Variants in CELSR3 observed in about 807,000 individuals in gnomAD.
The protein encoded by CELSR3 is EGF-like protein 1.
In CELSR3, 73 loss-of-function variants were observed where a neutral mutation model predicts 270.0. That is an observed-to-expected ratio of 0.27 (90% confidence interval 0.22 to 0.33). The LOEUF is 0.33. CELSR3 is among the 10% of genes least tolerant of loss of function. The pLI is 1.00. For missense variants in CELSR3, 3,614 were observed against 4,533.8 expected (o/e 0.80, Z 5.83); for synonymous variants, 1,780 against 1,905.4 (o/e 0.93, Z 1.71).
At position 48,657,233 on chromosome 3, in the gene CELSR3, C is replaced by T. The variant is rs2077031397; in HGVS notation, c.3864G>A (p.Leu1288=). 1 of 1,613,234 alleles carries T rather than the reference C, an allele frequency of 6.2e-7. No homozygotes were observed. The highest frequency in any genetic ancestry group is 8.5e-7 in the Non-Finnish European group (1 of 1,179,814). ...RLENMWQERF[L]SPLLGRFLEG... is the part of the protein sequence containing the mutation. ...CGAGGAAGCGGCCCAGCAGCGGTGA[C>T]AGGAAGCGCTCCTGCCACATGTTCT... Residue 1288 remains leucine (L), a synonymous_variant, in exon 2 of 35, where the codon CTG becomes CTA. Coordinates refer to ENST00000164024, the MANE Select transcript of CELSR3 (RefSeq NM_001407.3). This position sits in a 1 kb window ranked among gnomAD's most constrained non-coding sequence, Gnocchi z 5.4.
Position 48,661,199 on chromosome 3 carries a change from C to T in CELSR3, c.1436G>A (p.Arg479His), listed in dbSNP as rs1031937400. ...CTCGAAGGCGGCGGCAGCTGCAGCG[C>T]GCGCAGCTGGCGGCCCCACGAAGCG... is the stretch of plus-strand genomic sequence containing the variant. Reference protein sequence around the residue: ...RYRFVGPPAARAAAAAAFEID... With the variant: ...RYRFVGPPAAHAAAAAAFEID... The change falls in exon 1 of 35, where the codon CGC becomes CAC. Residue 479 changes from arginine to histidine, a missense_variant. Physicochemically the swap from Arg to His is conservative, Grantham distance 29. Around this residue, in one of 7 missense-constraint regions of CELSR3, gnomAD observed 354 missense variants for 500.9 expected, o/e 0.71. Coordinates refer to ENST00000164024, the MANE Select transcript of CELSR3 (RefSeq NM_001407.3). 6.3e-7 allele frequency: 1 copy of T among 1,598,914 alleles called. No homozygotes were observed. The highest frequency in any genetic ancestry group is 1.7e-5 in the Admixed American group (1 of 57,998).
In CELSR3 at chr3:48,639,710, G is replaced by A. The variant is rs376186501; in HGVS notation, c.9875C>T (p.Thr3292Met). The A allele has an allele frequency of 3.0e-4, 491 of 1,613,682 alleles. 5 individuals are homozygous for A. The South Asian group carries it at 4.0e-3, about 13-fold the overall frequency. Residue 3292 changes from threonine (T) to methionine (M), a missense_variant, in exon 34 of 35, where the codon ACG becomes ATG. Thr to Met is a moderately conservative substitution (Grantham distance 81, BLOSUM62 -1). This residue lies in a region of CELSR3 where 1,240 missense variants were observed against 1,351.7 expected (regional missense o/e 0.92). Coordinates refer to ENST00000164024, the MANE Select transcript of CELSR3 (RefSeq NM_001407.3). The surrounding 1 kb of genome is among the most constrained non-coding windows in gnomAD (Gnocchi z 4.1). ...VLGPSTPRSA[T>M]SHSISELSPD... ...CGACAGCTCCGAGATGCTGTGAGAC[G>A]TGGCAGAACGTGGCGTGGAGGGCCC...
intron 2 of CELSR3, 24 bp downstream of exon 2, chr3:48,656,674 G>C (rs2077025869): frequency 6.8e-7 from 1 of 1,463,988 alleles, no homozygotes; most frequent in Admixed American, 2.6e-5. Context: ...GCTTCCCCCA[G>C]CTCTGGCCCG....
At chr3:48,643,334 C>T (rs1000274401) in intron 28 of CELSR3, 8 of 692,942 alleles carry the variant, frequency 1.2e-5, no homozygotes, top group East Asian at 2.7e-5. Flanking sequence ...AAGGTCGATC[C>T]AAGATCAGCA....
At position 48,652,443 on chromosome 3, in the gene CELSR3, G is replaced by A. The variant is rs977563754; in HGVS notation, c.5745C>T (p.Cys1915=). ...AEEAPQGLVG[C]IQGVWLGSTP... ...TTCCCATGCTGACCCCCACCTGGAT[G>A]CAGCCAACCAGACCCTGAGGAGCCT... The change falls in exon 11 of 35, where the codon TGC becomes TGT. Residue 1915 remains cysteine, a synonymous_variant. Transcript: ENST00000164024. This position sits in a 1 kb window ranked among gnomAD's most constrained non-coding sequence, Gnocchi z 4.3. 6.2e-7 allele frequency: 1 copy of A among 1,612,026 alleles called. No individual in the cohort carries two copies. The highest frequency in any genetic ancestry group is 1.3e-5 in the African/African-American group (1 of 74,882).
Position 48,647,952 on chromosome 3 carries a change from C to T in CELSR3, c.7018G>A (p.Ala2340Thr). The change falls in exon 20 of 35, where the codon GCC becomes ACC. Residue 2340 changes from alanine (A) to threonine (T), a missense_variant. By Grantham distance (58) the Ala-to-Thr change is moderately conservative (BLOSUM62 0). Coordinates refer to ENST00000164024, the MANE Select transcript of CELSR3 (RefSeq NM_001407.3). ...RMEHPSSPRGARRYPRYHSNL... is the reference protein window; with the variant it reads ...RMEHPSSPRGTRRYPRYHSNL... ...CTATGGTAGCGAGGGTAGCGACGGG[C>T]CCCCCGGGGAGAACTGGGGTGCTCC... is the stretch of plus-strand genomic sequence containing the variant. 6.2e-7 allele frequency: 1 copy of T among 1,611,830 alleles called. No homozygotes were observed. Among genetic ancestry groups the T allele is most frequent in the Non-Finnish European group, 8.5e-7 (1 of 1,179,596 alleles).
At position 48,648,262 on chromosome 3, in the gene CELSR3, G is replaced by A. The variant is rs755150328; in HGVS notation, c.6973+4C>T. 57 of 556,936 alleles carry A rather than the reference G, an allele frequency of 1.0e-4. No individual in the cohort carries two copies. Among genetic ancestry groups the A allele is most frequent in the Middle Eastern group, 4.0e-4 (1 of 2,490 alleles). The allele number at this position is 556,936 out of a possible 1,614,324, so 34.5% of individuals were successfully genotyped here. On this transcript the variant is annotated splice_donor_region_variant and intron_variant, in intron 19 of 34. Transcript: ENST00000164024. The stretch of plus-strand genomic sequence containing the variant: ...TGCCCCGCCCTACCCCACCCACAAC[G>A]CACTGATATTAGGCGTCACCAGCCC...
In CELSR3 at chr3:48,659,211, C is replaced by T. The variant is rs777421653; in HGVS notation, c.3424G>A (p.Val1142Met). Reference protein sequence around the residue: ...YEARQEYVIVVQATSAPLVSR... With the variant: ...YEARQEYVIVMQATSAPLVSR... ...ACCAAAGGAGCAGATGTGGCCTGCA[C>T]CACAATCACATATTCTTGGCGAGCC... The change falls in exon 1 of 35, where the codon GTG becomes ATG. Residue 1142 changes from valine to methionine, a missense_variant. Val to Met is a conservative substitution (Grantham distance 21, BLOSUM62 1). This residue lies in a region of CELSR3 where 1,331 missense variants were observed against 1,933.7 expected (regional missense o/e 0.69). Transcript: ENST00000164024. The surrounding 1 kb of genome is among the most constrained non-coding windows in gnomAD (Gnocchi z 8.1). The T allele has an allele frequency of 1.9e-6, 3 of 1,614,192 alleles. No homozygotes were observed. The highest frequency in any genetic ancestry group is 1.7e-6 in the Non-Finnish European group (2 of 1,180,044).
At position 48,661,407 on chromosome 3, in the gene CELSR3, A is replaced by T; in HGVS notation, c.1228T>A (p.Ser410Thr). ...ATCGTGGTGGCCGAGAGGCGCGGCGACCCGTGGTCCTGCGCGGTCACACGC... is the reference window on the plus strand; with the variant it reads ...ATCGTGGTGGCCGAGAGGCGCGGCGTCCCGTGGTCCTGCGCGGTCACACGC... ...YLRVTAQDHGSPRLSATTMVA... is the reference protein window; with the variant it reads ...YLRVTAQDHGTPRLSATTMVA... Residue 410 changes from serine to threonine, a missense_variant, in exon 1 of 35, where the codon TCG (serine) becomes ACG (threonine). Transcript: ENST00000164024. 1.2e-6 allele frequency: 2 copies of T among 1,611,556 alleles called. No individual in the cohort carries two copies. Among genetic ancestry groups the T allele is most frequent in the Non-Finnish European group, 1.7e-6 (2 of 1,179,622 alleles).
Position 48,657,739 on chromosome 3 carries a change from G to A in CELSR3, c.3749-391C>T, listed in dbSNP as rs2077034485. 6.6e-6 allele frequency among the ~76,000 whole-genome samples: 1 copy of A among 152,142 alleles called. No individual in the cohort carries two copies. Among genetic ancestry groups the A allele is most frequent in the African/African-American group, 2.4e-5 (1 of 41,424 alleles). On this transcript the variant is annotated intron_variant, in intron 1 of 34. Transcript: ENST00000164024. The surrounding 1 kb of genome is among the most constrained non-coding windows in gnomAD (Gnocchi z 5.4). ...GACACAGAGAGGAGCTAGGGCCACT[G>A]GCCACTCATTCCCAGCCACCTTTCC... is the stretch of plus-strand genomic sequence containing the variant.
Position 48,643,656 on chromosome 3 carries a change from C to T in CELSR3, c.8187G>A (p.Leu2729=). Residue 2729 remains leucine (L), a synonymous_variant, in exon 28 of 35, where the codon CTG becomes CTA. Coordinates refer to ENST00000164024, the MANE Select transcript of CELSR3 (RefSeq NM_001407.3). ...AGGAGGCACTGACCAGCAGAAGCAG[C>T]AGGAAGGAGCTGCGAAGGGTCCTGC... ...TSALTLRSSF[L]LLLLVSASWL... 1 of 1,552,212 alleles carries T rather than the reference C, an allele frequency of 6.4e-7. No individual in the cohort carries two copies. Among genetic ancestry groups the T allele is most frequent in the Non-Finnish European group, 8.7e-7 (1 of 1,147,552 alleles).
In CELSR3 at chr3:48,662,717, G is replaced by A; in HGVS notation, c.-83C>T. The A allele has an allele frequency of 1.9e-6, 1 of 518,984 alleles. No homozygotes were observed. Among genetic ancestry groups the A allele is most frequent in the Non-Finnish European group, 2.9e-6 (1 of 347,062 alleles). The allele number at this position is 518,984 out of a possible 1,614,324, so 32.1% of individuals were successfully genotyped here. ...GCCCCGCCGCTCGGGCCCCCTCCCGGGCCCCTGCCGCCGCCCCGGGCCCCC... is the reference window on the plus strand; with the variant it reads ...GCCCCGCCGCTCGGGCCCCCTCCCGAGCCCCTGCCGCCGCCCCGGGCCCCC... On this transcript the variant is annotated 5_prime_UTR_variant, in exon 1 of 35. Coordinates refer to ENST00000164024, the MANE Select transcript of CELSR3 (RefSeq NM_001407.3). This position sits in a 1 kb window ranked among gnomAD's most constrained non-coding sequence, Gnocchi z 7.1.
Position 48,660,314 on chromosome 3 carries a change from C to T in CELSR3, c.2321G>A (p.Ser774Asn). 1 of 1,614,168 alleles carries T rather than the reference C, an allele frequency of 6.2e-7. No homozygotes were observed. Among genetic ancestry groups the T allele is most frequent in the Non-Finnish European group, 8.5e-7 (1 of 1,180,032 alleles). Reference sequence around the variant, plus strand: ...GTCTACTGCGGTCACGCTGACCACACTGGTGCCCACAGCTGCATCCTCATT... The same window carrying T: ...GTCTACTGCGGTCACGCTGACCACATTGGTGCCCACAGCTGCATCCTCATT... Reference protein sequence around the residue: ...RLNEDAAVGTSVVSVTAVDRD... With the variant: ...RLNEDAAVGTNVVSVTAVDRD... Residue 774 changes from serine to asparagine, a missense_variant, in exon 1 of 35, where the codon AGT (serine) becomes AAT (asparagine). Physicochemically the swap from Ser to Asn is conservative, Grantham distance 46. Transcript: ENST00000164024. The surrounding 1 kb of genome is among the most constrained non-coding windows in gnomAD (Gnocchi z 5.5).
rs2077047632 is a variant in CELSR3 at position 48,659,299 on chromosome 3, A to G, written c.3336T>C (p.Pro1112=). 1 of 1,614,064 alleles carries G rather than the reference A, an allele frequency of 6.2e-7. No individual in the cohort carries two copies. Among genetic ancestry groups the G allele is most frequent in the African/African-American group, 1.3e-5 (1 of 74,926 alleles). The change falls in exon 1 of 35, where the codon CCT becomes CCC. Residue 1112 remains proline, a synonymous_variant. Transcript: ENST00000164024. The surrounding 1 kb of genome is among the most constrained non-coding windows in gnomAD (Gnocchi z 8.1). ...AGAAGATGTCCATTTGGAACAGCTC[A>G]GGGATGTTCCCCTCCACGATCTGGT... ...IMYQIVEGNI[P]ELFQMDIFSG...
intron 19 of CELSR3, 28 bp downstream of exon 19, chr3:48,648,238 G>GGCCCCCCCCA: frequency 3.7e-6 from 5 of 1,342,626 alleles, no homozygotes; most frequent in Non-Finnish European, 4.2e-6. Context: ...CCCCTGCTGT[G>GGCCCCCCCCA]CCCCGCCCTA....
rs781558032 is a variant in CELSR3, at chr3:48,650,612, G to A, written c.6371-31C>T. 6.4e-6 allele frequency: 10 copies of A among 1,569,556 alleles called. No individual in the cohort carries two copies. The South Asian group carries it at 1.2e-4, about 18-fold the overall frequency. On this transcript the variant is annotated intron_variant, in intron 15 of 34. Transcript: ENST00000164024. This position sits in a 1 kb window ranked among gnomAD's most constrained non-coding sequence, Gnocchi z 5.1. Reference sequence around the variant, plus strand: ...GAGAGAAGAGGTGCTGAGCCAGGCAGTCAGGGTACAGGGCAGTTGACAGCC... The same window carrying A: ...GAGAGAAGAGGTGCTGAGCCAGGCAATCAGGGTACAGGGCAGTTGACAGCC...
chr3:48,662,260 T>G lies in CELSR3; in HGVS notation c.375A>C (p.Thr125=). 1 of 1,613,114 alleles carries G rather than the reference T, an allele frequency of 6.2e-7. No homozygotes were observed. Among genetic ancestry groups the G allele is most frequent in the Admixed American group, 1.7e-5 (1 of 60,032 alleles). ...VQPLGSRERE[T]GQGPGSVLYW... ...ATAACACAGACCCTGGTCCCTGTCC[T>G]GTCTCTCGTTCGCGGCTGCCCAATG... is the stretch of plus-strand genomic sequence containing the variant. Residue 125 remains threonine, a synonymous_variant, in exon 1 of 35, where the codon ACA becomes ACC. Coordinates refer to ENST00000164024, the MANE Select transcript of CELSR3 (RefSeq NM_001407.3). The surrounding 1 kb of genome is among the most constrained non-coding windows in gnomAD (Gnocchi z 7.1).
rs1422830268 is a variant in CELSR3, at chr3:48,649,165, G to T, written c.6523C>A (p.Leu2175Ile). 6.2e-7 allele frequency: 1 copy of T among 1,612,502 alleles called. No individual in the cohort carries two copies. The change falls in exon 17 of 35, where the codon CTC becomes ATC. Residue 2175 changes from leucine (L) to isoleucine (I), a missense_variant. Around this residue, in one of 7 missense-constraint regions of CELSR3, gnomAD observed 1,331 missense variants for 1,933.7 expected, o/e 0.69. Coordinates refer to ENST00000164024, the MANE Select transcript of CELSR3 (RefSeq NM_001407.3). ...AAGGCAGGGGAGGTACAGTTGAAGA[G>T]GTCGGGCTCCAGCCAACCCTGGGCC... ...DEAQGWLEPD[L>I]FNCTSPAFRE...
chr3:48,648,259 A>G lies in CELSR3; in HGVS notation c.6973+7T>C. The G allele has an allele frequency of 2.9e-6, 2 of 687,800 alleles. No homozygotes were observed. Among genetic ancestry groups the G allele is most frequent in the Non-Finnish European group, 4.9e-6 (2 of 409,728 alleles). 42.6% of individuals were successfully genotyped at this position (687,800 alleles called of 1,614,324 possible). A position where few individuals can be genotyped will look rare whatever the true frequency, so the allele number is the denominator to read the frequency against. ...CTGTGCCCCGCCCTACCCCACCCAC[A>G]ACGCACTGATATTAGGCGTCACCAG... On this transcript the variant is annotated splice_region_variant and intron_variant, in intron 19 of 34. Coordinates refer to ENST00000164024, the MANE Select transcript of CELSR3 (RefSeq NM_001407.3).
Sources: allele counts gnomAD v4.1 joint callset (sites outside exome capture counted in the v4.1 genomes callset), GRCh38; gene constraint gnomAD v4.1.1; regional missense constraint gnomAD v4.1.1; non-coding constraint Gnocchi (gnomAD v3.1); transcripts MANE v1.5; gene names NCBI Gene and HGNC (gene_info 2026-07-23, HGNC 2026-07-21).